Variants in CTSS observed in about 807,000 individuals in gnomAD.
CTSS encodes cathepsin S.
In CTSS, 15 loss-of-function variants were observed where a neutral mutation model predicts 39.9. The observed-to-expected ratio is 0.38, with a 90% CI of 0.25 to 0.58. The LOEUF is 0.58. Among genes scored for constraint, CTSS ranks in the 20% least tolerant of loss-of-function variants. The pLI is 0.70. For synonymous variants in CTSS, 126 were observed against 138.2 expected (o/e 0.91, Z 0.62); for missense variants, 250 against 398.2 (o/e 0.63, Z 3.17).
intron 7 of CTSS, among the ~76,000 whole-genome samples, chr1:150,737,264 G>A (rs151246214): frequency 2.0e-5 from 3 of 152,034 alleles, no homozygotes; most frequent in African/African-American, 4.8e-5. Flanking sequence ...CATCATGCCC[G>A]GATAATTTTG....
intron 4 of CTSS, among the ~76,000 whole-genome samples, chr1:150,752,251 G>T (rs1445879419): frequency 6.6e-6 from 1 of 152,026 alleles, no homozygotes; most frequent in Non-Finnish European, 1.5e-5. Context: ...GAACATAATG[G>T]CCATATTCAA....
At chr1:150,753,624 G>A (rs946302263) in intron 4 of CTSS, among the ~76,000 whole-genome samples, 6 of 152,194 alleles carry the variant, frequency 3.9e-5, no homozygotes, top group African/African-American at 1.4e-4. Flanking sequence ...TTCAGTGTTT[G>A]TCTAAGTAGG....
chr1:150,740,593 C>T (rs1373231267), intron 7 of CTSS, among the ~76,000 whole-genome samples: 2 of 152,070 alleles, frequency 1.3e-5, no homozygotes, highest in South Asian at 2.1e-4. Flanking sequence ...AGGGTTTCAC[C>T]GTGTTAGCCA....
chr1:150,754,360 T>TC (rs2101922269), intron 4 of CTSS, among the ~76,000 whole-genome samples: 1 of 151,454 alleles, frequency 6.6e-6, no homozygotes, highest in South Asian at 2.1e-4. Context: ...GTGATCTGCC[T>TC]CCCTTGACCT....
intron 1 of CTSS, 29 bp from the exon 2 acceptor site, chr1:150,764,793 G>C: frequency 6.2e-7 from 1 of 1,610,660 alleles, no homozygotes; most frequent in Non-Finnish European, 8.5e-7. Context: ...CATAGGAAGT[G>C]TTGCTATTAG....
At chr1:150,735,779 T>C (rs587639560) in intron 7 of CTSS, among the ~76,000 whole-genome samples, 2 of 146,342 alleles carry the variant, frequency 1.4e-5, no homozygotes, top group Admixed American at 1.4e-4. Flanking sequence ...TTTTTTGTGA[T>C]GGAGTCTTGC....
At chr1:150,757,781 CA>C in intron 3 of CTSS, 76 bp downstream of exon 3, 1 of 1,488,934 alleles carries the variant, frequency 6.7e-7, no homozygotes, top group Non-Finnish European at 9.2e-7. Context: ...TGTTTACCTT[CA>C]AATTGCTTTT....
intron 2 of CTSS, among the ~76,000 whole-genome samples, chr1:150,758,306 T>A (rs968697454): frequency 6.6e-6 from 1 of 152,058 alleles, no homozygotes; most frequent in Non-Finnish European, 1.5e-5. Context: ...TGCCTCAGCC[T>A]CCCAAAGTAC....
chr1:150,734,186 G>A (rs1429436922), intron 7 of CTSS, among the ~76,000 whole-genome samples: 1 of 151,876 alleles, frequency 6.6e-6, no homozygotes, highest in African/African-American at 2.4e-5. Context: ...GTGCCACCAC[G>A]ACGGCTAATT....
chr1:150,749,207 G>A (rs587683953), intron 6 of CTSS, among the ~76,000 whole-genome samples: 1 of 152,316 alleles, frequency 6.6e-6, no homozygotes, highest in Admixed American at 6.5e-5. Flanking sequence ...TAGCGGGAAA[G>A]GCATGTTGAA....
intron 7 of CTSS, among the ~76,000 whole-genome samples, 156 bp downstream of exon 7, chr1:150,747,621 G>T (rs1260853780): frequency 6.6e-6 from 1 of 152,088 alleles, no homozygotes; most frequent in African/African-American, 2.4e-5. Context: ...AAAGATGGGG[G>T]CACTGAGTAA....
At chr1:150,737,386 G>A (rs1004958405) in intron 7 of CTSS, among the ~76,000 whole-genome samples, 3 of 152,192 alleles carry the variant, frequency 2.0e-5, no homozygotes, top group Non-Finnish European at 4.4e-5. Flanking sequence ...ACAGGCGTGA[G>A]CCACTGAGCC....
chr1:150,743,498 T>G (rs1364969234), intron 7 of CTSS, among the ~76,000 whole-genome samples: 1 of 3,310 alleles, frequency 3.0e-4, no homozygotes, highest in African/African-American at 3.1e-4. Context: ...GGCTGGGAGA[T>G]ATATATATAT....
At chr1:150,759,835 T>G (rs1653215795) in intron 2 of CTSS, among the ~76,000 whole-genome samples, 1 of 152,086 alleles carries the variant, frequency 6.6e-6, no homozygotes, top group Non-Finnish European at 1.5e-5. Flanking sequence ...TTCTGCCTCA[T>G]TTCATTGAGC....
At chr1:150,750,345 T>G (rs1290715139) in intron 5 of CTSS, among the ~76,000 whole-genome samples, 174 bp from the exon 6 acceptor site, 3 of 152,184 alleles carry the variant, frequency 2.0e-5, no homozygotes, top group Non-Finnish European at 4.4e-5. Context: ...TCAGCAATAA[T>G]GGAGGAAATA....
At chr1:150,758,037 G>C in intron 2 of CTSS, 57 bp from the exon 3 acceptor site, 1 of 1,536,234 alleles carries the variant, frequency 6.5e-7, no homozygotes, top group Non-Finnish European at 8.8e-7. Flanking sequence ...ATAAGTGTTT[G>C]ATGATGAAAA....
intron 7 of CTSS, among the ~76,000 whole-genome samples, chr1:150,733,603 A>C (rs1388986539): frequency 2.6e-5 from 4 of 152,178 alleles, no homozygotes. Context: ...TAAAGCAAAC[A>C]ACAAAAATGC....
chr1:150,746,503 T>G lies in CTSS; in HGVS notation c.896+1274A>C, dbSNP rs191137782. 1.7e-3 allele frequency among the ~76,000 whole-genome samples: 254 copies of G among 151,836 alleles called. 1 individual carries two copies. Among genetic ancestry groups the G allele is most frequent in the South Asian group, 0.013 (63 of 4,820 alleles). On this transcript the variant is annotated intron_variant, in intron 7 of 7. Transcript: ENST00000368985. The stretch of plus-strand genomic sequence containing the variant: ...CAAAGGCACGTACAGAACACTGGAG[T>G]GACAGACAGGTAAATATACAATTTA...
intron 3 of CTSS, among the ~76,000 whole-genome samples, chr1:150,756,596 A>G (rs1031447173): frequency 6.6e-6 from 1 of 152,058 alleles, no homozygotes; most frequent in Non-Finnish European, 1.5e-5. Context: ...TTTCAGCTCC[A>G]TCATAATCTT....
Sources: allele counts gnomAD v4.1 joint callset (sites outside exome capture counted in the v4.1 genomes callset), GRCh38; gene constraint gnomAD v4.1.1; transcripts MANE v1.5; gene names NCBI Gene and HGNC (gene_info 2026-07-23, HGNC 2026-07-21).